POLA1: variants seen among roughly 807,000 people sequenced by gnomAD.
POLA1 encodes the protein DNA polymerase alpha catalytic subunit.
A neutral mutation model predicts 124.0 loss-of-function variants in POLA1; 15 were observed. The ratio of observed to expected loss-of-function variants is 0.12; its 90% CI spans 0.08 to 0.19. The LOEUF (loss-of-function observed/expected upper bound fraction) is 0.19, where lower values mean the gene tolerates loss of function less well. Ranked by LOEUF, POLA1 falls within the 10% of genes least tolerant of loss-of-function variation. The probability of loss-of-function intolerance (pLI) is 1.00; values close to 1 mark genes in which losing one functional copy is unlikely to be tolerated. For synonymous variants in POLA1, 408 were observed against 389.4 expected (o/e 1.05, Z -0.56); for missense variants, 886 against 1,103.4 (o/e 0.80, Z 2.79).
chrX:24,699,838 A>G (rs1427287827), intron 2 of POLA1, among the ~76,000 whole-genome samples: 1 of 108,236 alleles, frequency 9.2e-6, no homozygotes. Flanking sequence ...TGCTGTATCT[A>G]TGGTAAGTCC....
At chrX:24,848,094 C>T (rs2046499912) in intron 34 of POLA1, among the ~76,000 whole-genome samples, 2 of 112,005 alleles carry the variant, frequency 1.8e-5, no homozygotes, top group Admixed American at 1.9e-4. Flanking sequence ...ACAATAGCAC[C>T]TAGCCTAAAT....
intron 26 of POLA1, among the ~76,000 whole-genome samples, chrX:24,808,663 C>T (rs184095449): frequency 5.6e-4 from 62 of 110,368 alleles, no homozygotes; most frequent in African/African-American, 1.9e-3. Context: ...ATTAATACAA[C>T]GAACATCTGA....
intron 10 of POLA1, among the ~76,000 whole-genome samples, 157 bp from the exon 11 acceptor site, chrX:24,722,998 C>T (rs868330562): frequency 8.9e-6 from 1 of 112,550 alleles, no homozygotes; most frequent in Non-Finnish European, 1.9e-5. Flanking sequence ...GAGTAAAGAA[C>T]TGGTCTTGGG....
chrX:24,831,314 G>A (rs1046831724), intron 32 of POLA1, among the ~76,000 whole-genome samples: 1 of 111,235 alleles, frequency 9.0e-6, no homozygotes. Flanking sequence ...GAGTACTTCA[G>A]GTATTACTTT....
rs760732940 is a variant in POLA1 at position 24,725,450 on chromosome X, G to A, written c.1318-531G>A. On this transcript the variant is annotated intron_variant, in intron 12 of 36. Coordinates refer to ENST00000379068, the MANE Select transcript of POLA1 (RefSeq NM_001330360.2). Reference sequence around the variant, plus strand: ...AGACCTCAAGTGATCCGCCCGCCTCGGCCTCCCAAAGTGCTGGGATAACAG... The same window carrying A: ...AGACCTCAAGTGATCCGCCCGCCTCAGCCTCCCAAAGTGCTGGGATAACAG... Among the ~76,000 whole-genome samples the A allele has an allele frequency of 1.0e-4, 11 of 110,533 alleles. No individual in the cohort carries two copies. The East Asian group carries it at 2.6e-3, about 26-fold the overall frequency.
At chrX:24,799,822 G>A (rs781391202) in intron 26 of POLA1, among the ~76,000 whole-genome samples, 37 of 111,859 alleles carry the variant, frequency 3.3e-4, no homozygotes, top group African/African-American at 1.1e-3. Flanking sequence ...CCTAATGGGT[G>A]GGTTTATAAA....
At chrX:24,866,003 C>T (rs1254042477) in intron 34 of POLA1, among the ~76,000 whole-genome samples, 4 of 111,732 alleles carry the variant, frequency 3.6e-5, no homozygotes, top group Non-Finnish European at 7.5e-5. Context: ...TCTGGGGTTT[C>T]TTCTTATCAA....
chrX:24,739,724 A>G (rs1378602032), intron 20 of POLA1, among the ~76,000 whole-genome samples, 174 bp downstream of exon 20: 2 of 112,042 alleles, frequency 1.8e-5, no homozygotes, highest in Non-Finnish European at 3.8e-5. Flanking sequence ...GTAATTGATC[A>G]GTTTATCTCC....
intron 36 of POLA1, among the ~76,000 whole-genome samples, chrX:24,985,785 G>A (rs11573521): frequency 0.06 from 6,732 of 111,728 alleles, 488 homozygotes; most frequent in African/African-American, 0.21. Flanking sequence ...CTGGTCCCAA[G>A]CATTTCAGAT....
At chrX:24,987,795 C>T (rs903237253) in intron 36 of POLA1, among the ~76,000 whole-genome samples, 4 of 111,076 alleles carry the variant, frequency 3.6e-5, no homozygotes, top group Non-Finnish European at 5.7e-5. Context: ...AAGGGTGTTA[C>T]GAGAATCTTG....
chrX:24,892,206 A>G (rs2047150117), intron 35 of POLA1, among the ~76,000 whole-genome samples: 1 of 110,870 alleles, frequency 9.0e-6, no homozygotes, highest in South Asian at 3.8e-4. Context: ...CCAGTATACA[A>G]GTTGCTGCTT....
chrX:24,975,446 A>G (rs2048355168), intron 36 of POLA1, among the ~76,000 whole-genome samples: 1 of 103,639 alleles, frequency 9.6e-6, no homozygotes. Flanking sequence ...AAATAGCTAT[A>G]TCTTTCAAAA....
At chrX:24,743,085 A>G (rs1359689244) in intron 22 of POLA1, 145 bp from the exon 23 acceptor site, 2 of 352,456 alleles carry the variant, frequency 5.7e-6, no homozygotes, top group East Asian at 4.5e-5. Flanking sequence ...ACATATTACA[A>G]TAACTGTCTT....
In POLA1 at chrX:24,806,008, A is replaced by G. The variant is rs1469768799; in HGVS notation, c.2965-3890A>G. 4.3e-5 allele frequency among the ~76,000 whole-genome samples: 4 copies of G among 92,686 alleles called. No individual in the cohort carries two copies. The East Asian group carries it at 1.5e-3, about 34-fold the overall frequency. The allele number at this position is 92,686 out of a possible 115,157, so 80.5% of individuals were successfully genotyped here. ...TCAATGGGGAAAATACCTGTAATGTATAAGTGTTTGATTGTTGACTTCTAG... is the reference window on the plus strand; with the variant it reads ...TCAATGGGGAAAATACCTGTAATGTGTAAGTGTTTGATTGTTGACTTCTAG... On this transcript the variant is annotated intron_variant, in intron 26 of 36. Coordinates refer to ENST00000379068, the MANE Select transcript of POLA1 (RefSeq NM_001330360.2).
rs754824308 is a variant in POLA1 at position 24,793,922 on chromosome X, C to T, written c.2965-15976C>T. Among the ~76,000 whole-genome samples, 3 of 110,672 alleles carry T rather than the reference C, an allele frequency of 2.7e-5. No homozygotes were observed. In the East Asian group the frequency reaches 8.6e-4, roughly 32 times the overall value. On this transcript the variant is annotated intron_variant, in intron 26 of 36. Coordinates refer to ENST00000379068, the MANE Select transcript of POLA1 (RefSeq NM_001330360.2). ...TTGATTGTGGGTGGATGGACCCCGC[C>T]ATCCCCTCGGAAGAGACCTGTTGCC...
chrX:24,900,505 G>A (rs1447316333), intron 35 of POLA1, among the ~76,000 whole-genome samples: 1 of 112,136 alleles, frequency 8.9e-6, no homozygotes, highest in Non-Finnish European at 1.9e-5. Flanking sequence ...CATTGGTTCA[G>A]TATAATCACA....
intron 26 of POLA1, among the ~76,000 whole-genome samples, chrX:24,757,863 T>C (rs1374809092): frequency 8.9e-6 from 1 of 111,824 alleles, no homozygotes; most frequent in East Asian, 2.8e-4. Flanking sequence ...AAATTCCAAA[T>C]TCAAACACTC....
chrX:24,810,677 G>T, intron 27 of POLA1, 31 bp from the exon 28 acceptor site: 1 of 670,843 alleles, frequency 1.5e-6, no homozygotes, highest in Admixed American at 2.9e-5. Context: ...CTGTGTTTTT[G>T]TTAATTTTTA....
At chrX:24,793,741 T>C (rs1394743680) in intron 26 of POLA1, among the ~76,000 whole-genome samples, 2 of 108,810 alleles carry the variant, frequency 1.8e-5, no homozygotes, top group Non-Finnish European at 3.8e-5. Context: ...CCTACCACCA[T>C]GCCCGGCTAA....
Sources: gnomAD v4.1 joint callset for allele counts (sites outside exome capture counted in the v4.1 genomes callset) on GRCh38, gnomAD v4.1.1 for gene constraint, MANE v1.5 for transcripts, NCBI Gene and HGNC (gene_info 2026-07-23, HGNC 2026-07-21) for gene names.